TENM3: variants seen among roughly 807,000 people sequenced by gnomAD.
TENM3 encodes the protein teneurin-3.
TENM3 carries 63 observed loss-of-function variants against 255.1 expected under a neutral mutation model. The ratio of observed to expected loss-of-function variants is 0.25; its 90% CI spans 0.20 to 0.30. TENM3 has a LOEUF of 0.30. TENM3 is among the 10% of genes least tolerant of loss of function. The pLI is 1.00. For synonymous variants in TENM3, 1,306 were observed against 1,322.3 expected (o/e 0.99, Z 0.27); for missense variants, 2,929 against 3,461.1 (o/e 0.85, Z 3.86).
At chr4:182,578,825 G>A (rs1745201410) in intron 3 of TENM3, among the ~76,000 whole-genome samples, 1 of 152,288 alleles carries the variant, frequency 6.6e-6, no homozygotes, top group Middle Eastern at 3.4e-3. Flanking sequence ...TCTCTCTTAA[G>A]TTGCTTTCCA....
the TENM3 span, among the ~76,000 whole-genome samples, chr4:181,465,297 G>A: frequency 6.7e-6 from 1 of 150,170 alleles, no homozygotes; most frequent in Admixed American, 6.7e-5. Flanking sequence ...AAAAAAACTT[G>A]GTAGAAATAC....
At chr4:182,511,795 A>C (rs1737424743) in intron 3 of TENM3, among the ~76,000 whole-genome samples, 1 of 152,228 alleles carries the variant, frequency 6.6e-6, no homozygotes, top group Non-Finnish European at 1.5e-5. Flanking sequence ...TAAATGACAT[A>C]TGACCTCTGA....
the TENM3 span, among the ~76,000 whole-genome samples, chr4:181,462,708 G>A: frequency 3.3e-5 from 5 of 152,052 alleles, no homozygotes; most frequent in Admixed American, 3.3e-4. Context: ...TAACTCACGT[G>A]TCATTCCCAC....
chr4:181,458,574 A>G, the TENM3 span, among the ~76,000 whole-genome samples: 1 of 151,896 alleles, frequency 6.6e-6, no homozygotes, highest in Non-Finnish European at 1.5e-5. Flanking sequence ...TTTACTTTGC[A>G]TATTCTCTCT....
chr4:182,156,263 C>A (rs189459506), intron 1 of TENM3, among the ~76,000 whole-genome samples: 2 of 152,314 alleles, frequency 1.3e-5, no homozygotes. Context: ...TTAACAATTT[C>A]TCCAGAACAA....
At chr4:181,841,316 A>G in the TENM3 span, among the ~76,000 whole-genome samples, 2 of 152,140 alleles carry the variant, frequency 1.3e-5, no homozygotes, top group African/African-American at 4.8e-5. Context: ...AAATATTCAC[A>G]TGTTAAAATT....
chr4:181,592,998 A>T, the TENM3 span, among the ~76,000 whole-genome samples: 1 of 152,162 alleles, frequency 6.6e-6, no homozygotes, highest in Non-Finnish European at 1.5e-5. Flanking sequence ...TCCTCATATG[A>T]CAAAGCAAGC....
the TENM3 span, among the ~76,000 whole-genome samples, chr4:182,100,714 T>TATATACACACAC: frequency 1.5e-4 from 1 of 6,834 alleles, no homozygotes; most frequent in Admixed American, 1.6e-3. Context: ...TATACACACA[T>TATATACACACAC]ATATATACAC....
At position 182,789,159 on chromosome 4, in the gene TENM3, G is replaced by A. The variant is rs762211365; in HGVS notation, c.5371G>A (p.Asp1791Asn). 2 of 1,612,408 alleles carry A rather than the reference G, an allele frequency of 1.2e-6. No homozygotes were observed. Among genetic ancestry groups the A allele is most frequent in the Non-Finnish European group, 1.7e-6 (2 of 1,179,248 alleles). Residue 1791 changes from aspartate to asparagine, a missense_variant, in exon 25 of 28, where the codon GAC (aspartate) becomes AAC (asparagine). Asp to Asn is a conservative substitution (Grantham distance 23). Coordinates refer to ENST00000511685, the MANE Select transcript of TENM3 (RefSeq NM_001080477.4). This position sits in a 1 kb window ranked among gnomAD's most constrained non-coding sequence, Gnocchi z 4.4. The stretch of plus-strand genomic sequence containing the variant: ...AACAAAGACAGAAAAGATCTATGAC[G>A]ACCACCGTAAATTTCTACTGAGGAT... ...RTTKTEKIYD[D>N]HRKFLLRIAY...
intron 6 of TENM3, among the ~76,000 whole-genome samples, chr4:182,661,216 T>G (rs796745839): frequency 2.3e-4 from 34 of 147,548 alleles, no homozygotes; most frequent in Middle Eastern, 3.4e-3. Flanking sequence ...TTTTTTTTTT[T>G]TTGAGACGGA....
chr4:181,850,132 A>G, the TENM3 span, among the ~76,000 whole-genome samples: 1 of 150,148 alleles, frequency 6.7e-6, no homozygotes, highest in Non-Finnish European at 1.5e-5. Context: ...TCATTCACTC[A>G]TTATTTCTTC....
the TENM3 span, among the ~76,000 whole-genome samples, chr4:181,615,643 C>G: frequency 2.6e-5 from 4 of 152,184 alleles, no homozygotes; most frequent in Non-Finnish European, 4.4e-5. Context: ...TGAGGGCTTT[C>G]TACACCAGCC....
chr4:181,576,356 A>G, the TENM3 span, among the ~76,000 whole-genome samples: 1 of 152,204 alleles, frequency 6.6e-6, no homozygotes, highest in African/African-American at 2.4e-5. Context: ...ACTGATGAGC[A>G]CTTAGGTTGA....
intron 1 of TENM3, among the ~76,000 whole-genome samples, chr4:182,262,253 C>A (rs1361701408): frequency 6.6e-6 from 1 of 152,124 alleles, no homozygotes; most frequent in Non-Finnish European, 1.5e-5. Flanking sequence ...ATGTCACAAG[C>A]TATTTACTTG....
At chr4:181,538,440 C>T in the TENM3 span, among the ~76,000 whole-genome samples, 1 of 151,510 alleles carries the variant, frequency 6.6e-6, no homozygotes, top group Non-Finnish European at 1.5e-5. Flanking sequence ...TACTGGAGTA[C>T]TCTATGAAGA....
chr4:182,397,928 G>C (rs900024210), intron 3 of TENM3, among the ~76,000 whole-genome samples: 1 of 152,172 alleles, frequency 6.6e-6, no homozygotes, highest in African/African-American at 2.4e-5. Context: ...TAGGTTAGAC[G>C]CAGTGGTGAT....
the TENM3 span, among the ~76,000 whole-genome samples, chr4:181,487,530 G>T: frequency 1.3e-5 from 2 of 152,216 alleles, no homozygotes; most frequent in African/African-American, 2.4e-5. Context: ...GGGGCAAGAG[G>T]TCTCTAGGCC....
rs79015145 is a variant in TENM3, at chr4:182,590,988, A to G, written c.512-9936A>G. Among the ~76,000 whole-genome samples the G allele has an allele frequency of 6.8e-3, 1,037 of 152,280 alleles. 37 individuals carry two copies. In the East Asian group the frequency reaches 0.08, roughly 12 times the overall value. On this transcript the variant is annotated intron_variant, in intron 3 of 27. Transcript: ENST00000511685. ...GCTTTTGGCTTATTCTTTCTTTCCAATTCAGTCAATTAACCCAAAGTGTAA... is the reference window on the plus strand; with the variant it reads ...GCTTTTGGCTTATTCTTTCTTTCCAGTTCAGTCAATTAACCCAAAGTGTAA...
chr4:182,263,590 AT>A (rs1759021338), intron 1 of TENM3, among the ~76,000 whole-genome samples: 1 of 132,692 alleles, frequency 7.5e-6, no homozygotes, highest in Admixed American at 7.0e-5. Flanking sequence ...GACATGGGCA[AT>A]TCCCCCCCCT....
Sources: allele counts gnomAD v4.1 joint callset (sites outside exome capture counted in the v4.1 genomes callset), GRCh38; gene constraint gnomAD v4.1.1; non-coding constraint Gnocchi (gnomAD v3.1); transcripts MANE v1.5; gene names NCBI Gene and HGNC (gene_info 2026-07-23, HGNC 2026-07-21).